ARL15: variants seen among roughly 807,000 people sequenced by gnomAD.
ARL15 encodes the protein ADP-ribosylation factor-like protein 15.
In ARL15, 19 loss-of-function variants were observed where a neutral mutation model predicts 25.2. The ratio of observed to expected loss-of-function variants is 0.75; its 90% confidence interval spans 0.53 to 1.10. The LOEUF is 1.10. Ranked by LOEUF, ARL15 falls within the 50% of genes least tolerant of loss-of-function variation. ARL15 has a pLI of 0.00. For missense variants in ARL15, 220 were observed against 246.0 expected (o/e 0.89, Z 0.71); for synonymous variants, 94 against 86.8 (o/e 1.08, Z -0.46).
intron 3 of ARL15, 70 bp from the exon 4 acceptor site, chr5:54,113,480 A>G (rs1189861611): frequency 1.7e-5 from 25 of 1,431,974 alleles, no homozygotes; most frequent in Non-Finnish European, 2.4e-5. Context: ...CCCAACAGTA[A>G]TTCCTACTGG....
intron 4 of ARL15, among the ~76,000 whole-genome samples, chr5:54,038,725 CAT>C (rs370309855): frequency 0.088 from 13,052 of 148,952 alleles, 712 homozygotes; most frequent in African/African-American, 0.15. Flanking sequence ...TATTTGTAAA[CAT>C]ATATATATAT....
intron 3 of ARL15, among the ~76,000 whole-genome samples, chr5:54,114,403 C>CAAAAAAAAAAAAA (rs1326500976): frequency 5.4e-4 from 2 of 3,678 alleles, no homozygotes; most frequent in Admixed American, 4.4e-3. Flanking sequence ...GGCTCCATCT[C>CAAAAAAAAAAAAA]AAGAAAAAAA....
rs1025812536 is a variant in ARL15, at chr5:54,303,767, G to A, written c.48+6665C>T. 4.4e-5 allele frequency among the ~76,000 whole-genome samples: 6 copies of A among 135,732 alleles called. No individual in the cohort carries two copies. The Admixed American group carries it at 4.6e-4, about 10-fold the overall frequency. The allele number at this position is 135,732 out of a possible 152,430, so 89.0% of individuals were successfully genotyped here. ...GGGGAGGGGAAAGGAGGGGAAGGGA[G>A]GGAAGAAAAACGAAACAAAACAAAA... is the stretch of plus-strand genomic sequence containing the variant. On this transcript the variant is annotated intron_variant, in intron 1 of 4. Transcript: ENST00000504924.
chr5:53,891,826 C>T (rs770117997), intron 4 of ARL15, among the ~76,000 whole-genome samples: 5 of 152,270 alleles, frequency 3.3e-5, no homozygotes, highest in Admixed American at 2.6e-4. Flanking sequence ...TTCACTCAGC[C>T]GCTCTGTCCT....
intron 4 of ARL15, among the ~76,000 whole-genome samples, chr5:53,907,475 T>TATATATATAC (rs1745287218): frequency 1.0e-4 from 3 of 29,742 alleles, no homozygotes; most frequent in African/African-American, 3.0e-4. Context: ...TATATATATA[T>TATATATATAC]ATATATATAT....
rs180837843 is a variant in ARL15, at chr5:54,135,107, A to G, written c.253+19473T>C. Among the ~76,000 whole-genome samples the G allele has an allele frequency of 1.6e-3, 249 of 152,312 alleles. 2 individuals are homozygous for G. The highest frequency in any genetic ancestry group is 8.1e-3 in the Admixed American group (124 of 15,310). ...TGACAAGCTGGAACAATGAGCCAGC[A>G]CTTACACAATGAAATTTAATAGAGA... On this transcript the variant is annotated intron_variant, in intron 3 of 4. Coordinates refer to ENST00000504924, the MANE Select transcript of ARL15 (RefSeq NM_019087.3).
intron 4 of ARL15, among the ~76,000 whole-genome samples, chr5:53,984,410 C>T (rs1439048983): frequency 6.6e-6 from 1 of 152,034 alleles, no homozygotes; most frequent in East Asian, 1.9e-4. Context: ...TTTTCCTTTG[C>T]TTTCAATCTA....
intron 4 of ARL15, among the ~76,000 whole-genome samples, chr5:53,946,781 C>T (rs1746750451): frequency 6.6e-6 from 1 of 152,098 alleles, no homozygotes; most frequent in Admixed American, 6.5e-5. Context: ...AAAATCCATC[C>T]ATAGTAAAAA....
At chr5:54,074,231 C>T (rs1168921359) in intron 4 of ARL15, among the ~76,000 whole-genome samples, 5 of 152,102 alleles carry the variant, frequency 3.3e-5, no homozygotes, top group Admixed American at 3.3e-4. Context: ...AGGTCCACTG[C>T]TTACAAACTG....
intron 4 of ARL15, 27 bp downstream of exon 4, chr5:54,113,173 CAA>C (rs1181276083): frequency 6.2e-7 from 1 of 1,606,856 alleles, no homozygotes; most frequent in East Asian, 2.2e-5. Context: ...GCAAGGAAGA[CAA>C]AGAGTTGTCA....
chr5:54,258,474 G>A (rs573890007), intron 1 of ARL15, among the ~76,000 whole-genome samples: 1 of 152,260 alleles, frequency 6.6e-6, no homozygotes, highest in East Asian at 1.9e-4. Flanking sequence ...TCAAGGTGCT[G>A]GGAAAAGAGC....
At chr5:53,906,648 T>C (rs146605010) in intron 4 of ARL15, among the ~76,000 whole-genome samples, 2 of 151,964 alleles carry the variant, frequency 1.3e-5, no homozygotes, top group African/African-American at 4.8e-5. Flanking sequence ...TTGAAAAGAG[T>C]TCCCTAAATG....
At chr5:54,029,353 CCACCACCACCACCACCACCACCACTA>C (rs1749898007) in intron 4 of ARL15, among the ~76,000 whole-genome samples, 1 of 143,908 alleles carries the variant, frequency 6.9e-6, no homozygotes. Flanking sequence ...ACCACCACCA[CCACCACCACCACCACCACCACCACTA>C]CACCTAGAGA....
chr5:54,268,897 AATG>A (rs1757702193), intron 1 of ARL15, among the ~76,000 whole-genome samples: 3 of 152,230 alleles, frequency 2.0e-5, no homozygotes, highest in Non-Finnish European at 4.4e-5. Context: ...AGCCATAAAA[AATG>A]ATGAGTTCAT....
chr5:54,000,822 A>G (rs767245386), intron 4 of ARL15, among the ~76,000 whole-genome samples: 4 of 152,260 alleles, frequency 2.6e-5, no homozygotes, highest in African/African-American at 9.6e-5. Flanking sequence ...CCTTGAAAAA[A>G]GGTTTAGTGC....
At chr5:54,237,573 A>T (rs1756843404) in intron 1 of ARL15, among the ~76,000 whole-genome samples, 1 of 152,236 alleles carries the variant, frequency 6.6e-6, no homozygotes, top group African/African-American at 2.4e-5. Context: ...CATTTTATGT[A>T]AATTAGTATT....
intron 1 of ARL15, among the ~76,000 whole-genome samples, chr5:54,211,719 G>A (rs976989994): frequency 2.0e-5 from 3 of 151,972 alleles, no homozygotes; most frequent in Non-Finnish European, 4.4e-5. Context: ...TGATCCGACC[G>A]CCTCAGTCTC....
chr5:54,184,454 AAAAAAAAAAAAAAAAAGAG>A (rs1356111297), intron 1 of ARL15, among the ~76,000 whole-genome samples: 1 of 82,310 alleles, frequency 1.2e-5, no homozygotes, highest in Non-Finnish European at 2.6e-5. Context: ...AAAAAAAAAA[AAAAAAAAAAAAAAAAAGAG>A]AGAGAGAGAG....
At chr5:54,252,572 T>C (rs1757260374) in intron 1 of ARL15, among the ~76,000 whole-genome samples, 1 of 151,748 alleles carries the variant, frequency 6.6e-6, no homozygotes, top group African/African-American at 2.4e-5. Flanking sequence ...AGGATGAGGG[T>C]CAATCAGGAT....
Sources: allele counts gnomAD v4.1 joint callset (sites outside exome capture counted in the v4.1 genomes callset), GRCh38; gene constraint gnomAD v4.1.1; transcripts MANE v1.5; gene names NCBI Gene and HGNC (gene_info 2026-07-23, HGNC 2026-07-21).